AXDND1: variants seen among roughly 807,000 people sequenced by gnomAD.
AXDND1 encodes axonemal dynein light chain domain-containing protein 1.
In AXDND1, 110 loss-of-function variants were observed where a neutral mutation model predicts 137.5. That is an observed-to-expected ratio of 0.80 (90% CI 0.69 to 0.94). The LOEUF is 0.94. Among genes scored for constraint, AXDND1 ranks in the 40% least tolerant of loss-of-function variants. The pLI, the probability that AXDND1 is intolerant of heterozygous loss-of-function variation, is 0.00. For missense variants in AXDND1, 1,191 were observed against 1,169.8 expected, an observed-to-expected ratio of 1.02 and a Z score of -0.26; for synonymous variants, 414 against 399.7, an observed-to-expected ratio of 1.04 and a Z score of -0.43.
At position 179,383,459 on chromosome 1, in the gene AXDND1, T is replaced by G. The variant is rs747959184; in HGVS notation, c.656T>G (p.Val219Gly). The part of the protein sequence containing the change: ...LFPSMKPNKR[V>G]EVAQLNDVMD... ...TTTTTTAGGAAACCTAATAAAAGAG[T>G]AGAAGTGGCCCAGCTGAATGATGTG... Residue 219 changes from valine to glycine, a missense_variant, in exon 8 of 26, where the codon GTA becomes GGA. Coordinates refer to ENST00000367618, the MANE Select transcript of AXDND1 (RefSeq NM_144696.6). The G allele has an allele frequency of 7.4e-6, 12 of 1,613,632 alleles. No individual in the cohort carries two copies. In the South Asian group the frequency reaches 1.2e-4, roughly 16 times the overall value.
chr1:179,366,396 G>C lies in AXDND1; in HGVS notation c.-106-8G>C. 4.9e-6 allele frequency: 3 copies of C among 616,556 alleles called. No individual in the cohort carries two copies. The highest frequency in any genetic ancestry group is 3.0e-5 in the East Asian group (1 of 33,478). The allele number at this position is 616,556 out of a possible 1,614,324, so 38.2% of individuals were successfully genotyped here. On this transcript the variant is annotated splice_polypyrimidine_tract_variant and splice_region_variant and intron_variant, in intron 1 of 25. Transcript: ENST00000367618. ...TTTTTTTTTAAATCTTTTTTCCTCT[G>C]CCTGCAGGACTATGTGGCAGCCTGC...
chr1:179,411,506 G>A (rs1040318001), intron 12 of AXDND1, among the ~76,000 whole-genome samples: 3 of 151,752 alleles, frequency 2.0e-5, no homozygotes, highest in Admixed American at 6.6e-5. Context: ...TGCCACACCC[G>A]GCCTGTTTTG....
intron 19 of AXDND1, 142 bp from the exon 20 acceptor site, chr1:179,492,713 A>G (rs1667054589): frequency 1.8e-6 from 1 of 554,648 alleles, no homozygotes. Context: ...TTGGTGAGTC[A>G]GTAGCTGAAT....
intron 12 of AXDND1, among the ~76,000 whole-genome samples, chr1:179,424,755 T>A (rs1656312516): frequency 6.6e-6 from 1 of 152,122 alleles, no homozygotes; most frequent in South Asian, 2.1e-4. Context: ...CTATCCTTTT[T>A]TCTCCTCTGA....
At position 179,368,957 on chromosome 1, in the gene AXDND1, A is replaced by C. The variant is rs1322450843; in HGVS notation, c.255A>C (p.Lys85Asn). The C allele has an allele frequency of 5.0e-6, 8 of 1,611,944 alleles. No individual in the cohort carries two copies. Among genetic ancestry groups the C allele is most frequent in the Non-Finnish European group, 6.8e-6 (8 of 1,178,972 alleles). ...CTGAAAACTTACTACCTCCTAAGAA[A>C]ATTAAAACCCCAAAGGTTTGTATGT... ...PCPENLLPPKKIKTPKGTLPR... is the reference protein window; with the variant it reads ...PCPENLLPPKNIKTPKGTLPR... Residue 85 changes from lysine (K) to asparagine (N), a missense_variant, in exon 3 of 26, where the codon AAA becomes AAC. Transcript: ENST00000367618.
intron 20 of AXDND1, among the ~76,000 whole-genome samples, chr1:179,504,033 ATT>A (rs1045371574): frequency 3.9e-5 from 6 of 152,218 alleles, no homozygotes; most frequent in Non-Finnish European, 7.3e-5. Context: ...AAAATAGCAA[ATT>A]TAATGTGGTA....
At position 179,487,086 on chromosome 1, in the gene AXDND1, G is replaced by A. The variant is rs188955363; in HGVS notation, c.2091+3865G>A. Among the ~76,000 whole-genome samples, 8 of 148,900 alleles carry A rather than the reference G, an allele frequency of 5.4e-5. 1 individual carries two copies. The highest frequency in any genetic ancestry group is 3.3e-4 in the Admixed American group (5 of 15,132). On this transcript the variant is annotated intron_variant, in intron 18 of 25. Coordinates refer to ENST00000367618, the MANE Select transcript of AXDND1 (RefSeq NM_144696.6). The stretch of plus-strand genomic sequence containing the variant: ...CTTCAAGAGACCTGTCTCACATGCA[G>A]TGACACCCAAAGTCTCCAAGTAAAA...
intron 12 of AXDND1, among the ~76,000 whole-genome samples, chr1:179,424,426 CTT>C (rs139043229): frequency 1.1e-3 from 121 of 107,762 alleles, no homozygotes; most frequent in South Asian, 8.7e-3. Context: ...TTTCTATTAT[CTT>C]TTTTTTTTTT....
At chr1:179,513,023 T>C (rs982758105) in intron 21 of AXDND1, among the ~76,000 whole-genome samples, 2 of 152,196 alleles carry the variant, frequency 1.3e-5, no homozygotes, top group Admixed American at 1.3e-4. Context: ...CAGTTTGACT[T>C]CCTCTTTACC....
intron 20 of AXDND1, chr1:179,507,002 C>T (rs1668603652): frequency 7.3e-6 from 5 of 682,836 alleles, no homozygotes; most frequent in Non-Finnish European, 9.0e-6. Context: ...CCATTTATAG[C>T]CAGTGTCTTA....
chr1:179,479,101 C>CA (rs890818304), intron 17 of AXDND1, among the ~76,000 whole-genome samples: 20 of 151,806 alleles, frequency 1.3e-4, no homozygotes, highest in African/African-American at 4.8e-4. Flanking sequence ...GACTCTGTCT[C>CA]AAAAAAATAA....
chr1:179,404,786 G>T (rs1652675671), intron 11 of AXDND1, among the ~76,000 whole-genome samples: 1 of 152,060 alleles, frequency 6.6e-6, no homozygotes, highest in Admixed American at 6.6e-5. Flanking sequence ...CAGTTAAGAA[G>T]AATTCCCTCC....
At chr1:179,410,621 G>C (rs926854102) in intron 11 of AXDND1, among the ~76,000 whole-genome samples, 2 of 152,176 alleles carry the variant, frequency 1.3e-5, no homozygotes, top group African/African-American at 4.8e-5. Flanking sequence ...TTAAGAAAAA[G>C]CTGCTTTATT....
chr1:179,483,517 A>G (rs376534756), intron 18 of AXDND1, among the ~76,000 whole-genome samples: 5 of 152,312 alleles, frequency 3.3e-5, no homozygotes, highest in Admixed American at 1.3e-4. Flanking sequence ...AATGAATAAG[A>G]AAAAGGGTAA....
rs543842568 is a variant in AXDND1 at position 179,383,203 on chromosome 1, G to T, written c.639-239G>T. 5.7e-4 allele frequency among the ~76,000 whole-genome samples: 87 copies of T among 151,410 alleles called. 4 individuals are homozygous for T. In the South Asian group the frequency reaches 0.015, roughly 27 times the overall value. On this transcript the variant is annotated intron_variant, in intron 7 of 25. Transcript: ENST00000367618. ...ATGATAGGTATATAGAATTTTTTTTGGGGGGAAGCATTATTTTCTTTTATG... is the reference window on the plus strand; with the variant it reads ...ATGATAGGTATATAGAATTTTTTTTTGGGGGAAGCATTATTTTCTTTTATG...
At chr1:179,500,052 A>T (rs1275843922) in intron 20 of AXDND1, among the ~76,000 whole-genome samples, 3 of 152,164 alleles carry the variant, frequency 2.0e-5, no homozygotes, top group Admixed American at 6.5e-5. Flanking sequence ...AGAAGAGGGA[A>T]TACTTTTTAT....
intron 12 of AXDND1, among the ~76,000 whole-genome samples, chr1:179,420,084 A>T (rs1655443228): frequency 6.6e-6 from 1 of 152,210 alleles, no homozygotes; most frequent in Non-Finnish European, 1.5e-5. Flanking sequence ...GGTTTGCCAT[A>T]TATGGCTTTC....
chr1:179,512,254 A>G (rs1264529995), intron 21 of AXDND1, among the ~76,000 whole-genome samples: 1 of 152,158 alleles, frequency 6.6e-6, no homozygotes, highest in African/African-American at 2.4e-5. Flanking sequence ...GTGAGAGATG[A>G]GGATCCAGTT....
intron 20 of AXDND1, among the ~76,000 whole-genome samples, chr1:179,503,397 A>G (rs12742809): frequency 0.34 from 51,604 of 151,752 alleles, 8,739 homozygotes; most frequent in East Asian, 0.4. Context: ...GGAGATGGAG[A>G]CTTTTCTAGG....
Sources: gnomAD v4.1 joint callset for allele counts (sites outside exome capture counted in the v4.1 genomes callset) on GRCh38, gnomAD v4.1.1 for gene constraint, MANE v1.5 for transcripts, NCBI Gene and HGNC (gene_info 2026-07-23, HGNC 2026-07-21) for gene names.